NRIP1: variants seen among roughly 807,000 people sequenced by gnomAD.
NRIP1 encodes the protein nuclear receptor interacting protein 1.
NRIP1 carries 28 observed loss-of-function variants against 75.0 expected under a neutral mutation model. The ratio of observed to expected loss-of-function variants is 0.37; its 90% CI spans 0.28 to 0.51. The LOEUF (loss-of-function observed/expected upper bound fraction) is 0.51, where lower values mean the gene tolerates loss of function less well. Among genes scored for constraint, NRIP1 ranks in the 20% least tolerant of loss-of-function variants. The pLI, the probability that NRIP1 is intolerant of heterozygous loss-of-function variation, is 0.92. For synonymous variants in NRIP1, 526 were observed against 487.6 expected (o/e 1.08, Z -1.04); for missense variants, 1,435 against 1,343.7 (o/e 1.07, Z -1.06).
chr21:15,017,368 T>C (rs1323312503), intron 2 of NRIP1, among the ~76,000 whole-genome samples: 1 of 152,196 alleles, frequency 6.6e-6, no homozygotes, highest in Non-Finnish European at 1.5e-5. Flanking sequence ...TAGAGGAACA[T>C]TATTAATGAA....
intron 3 of NRIP1, among the ~76,000 whole-genome samples, chr21:15,000,187 G>A (rs549620259): frequency 6.6e-6 from 1 of 152,268 alleles, no homozygotes; most frequent in Non-Finnish European, 1.5e-5. Flanking sequence ...AGAGATTCCT[G>A]TTTCTTCAAT....
chr21:15,064,583 C>A (rs1276698898), intron 1 of NRIP1, among the ~76,000 whole-genome samples, 162 bp downstream of exon 1: 1 of 151,576 alleles, frequency 6.6e-6, no homozygotes, highest in African/African-American at 2.4e-5. Context: ...TCGAACCAGG[C>A]AGCAGAGGCA....
intron 1 of NRIP1, chr21:15,051,021 C>A (rs776540154): frequency 5.0e-6 from 2 of 401,714 alleles, no homozygotes; most frequent in Non-Finnish European, 1.0e-5. Flanking sequence ...TGCAAACTAG[C>A]GAATCCTAAA....
intron 2 of NRIP1, among the ~76,000 whole-genome samples, 197 bp from the exon 3 acceptor site, chr21:15,014,663 T>C (rs193190146): frequency 6.6e-6 from 1 of 152,312 alleles, no homozygotes; most frequent in Non-Finnish European, 1.5e-5. Context: ...TTCTAGGTAA[T>C]AATCGATAAA....
Position 15,031,689 on chromosome 21 carries a change from G to A in NRIP1, c.-458+11806C>T, listed in dbSNP as rs1341415306. ...TCTATGTGTATACACTCTGGAAGGC[G>A]CTCGGAGGATCACCACATTCCCTTT... On this transcript the variant is annotated intron_variant, in intron 2 of 3. Transcript: ENST00000318948. Among the ~76,000 whole-genome samples, 7 of 98,950 alleles carry A rather than the reference G, an allele frequency of 7.1e-5. No homozygotes were observed. In the South Asian group the frequency reaches 1.7e-3, roughly 24 times the overall value. 64.9% of individuals were successfully genotyped at this position (98,950 alleles called of 152,430 possible).
At chr21:14,981,506 G>C (rs1009527047) in intron 3 of NRIP1, among the ~76,000 whole-genome samples, 2 of 152,186 alleles carry the variant, frequency 1.3e-5, no homozygotes, top group Non-Finnish European at 2.9e-5. Flanking sequence ...ACAGACCCAG[G>C]TTGGGGAGAC....
Position 14,965,308 on chromosome 21 carries a change from T to A in NRIP1, c.2885A>T (p.Lys962Met). The A allele has an allele frequency of 6.2e-7, 1 of 1,614,024 alleles. No homozygotes were observed. Among genetic ancestry groups the A allele is most frequent in the Non-Finnish European group, 8.5e-7 (1 of 1,179,930 alleles). Residue 962 changes from lysine (K) to methionine (M), a missense_variant, in exon 4 of 4, where the codon AAG becomes ATG. Physicochemically the swap from Lys to Met is moderately conservative, Grantham distance 95. Coordinates refer to ENST00000318948, the MANE Select transcript of NRIP1 (RefSeq NM_003489.4). Reference protein sequence around the residue: ...HRSNSVADSKKKGHKNNVTNS... With the variant: ...HRSNSVADSKMKGHKNNVTNS... ...GGTCACATTATTTTTGTGTCCTTTCTTTTTACTGTCAGCCACAGAGTTACT... is the reference window on the plus strand; with the variant it reads ...GGTCACATTATTTTTGTGTCCTTTCATTTTACTGTCAGCCACAGAGTTACT...
intron 2 of NRIP1, among the ~76,000 whole-genome samples, chr21:15,025,614 G>A (rs1243255883): frequency 3.3e-5 from 5 of 152,128 alleles, no homozygotes; most frequent in Admixed American, 3.3e-4. Flanking sequence ...CACAGTAGAT[G>A]AAATTAGCAG....
chr21:15,064,442 G>C (rs1316334265), intron 1 of NRIP1, among the ~76,000 whole-genome samples: 1 of 152,220 alleles, frequency 6.6e-6, no homozygotes, highest in African/African-American at 2.4e-5. Flanking sequence ...GGCCCCCCGA[G>C]TCCGGCCCCG....
chr21:15,037,273 T>C (rs1477359732), intron 2 of NRIP1, among the ~76,000 whole-genome samples: 1 of 152,184 alleles, frequency 6.6e-6, no homozygotes, highest in Admixed American at 6.5e-5. Flanking sequence ...ACAAAGCACA[T>C]GAAAAAACTG....
At chr21:15,001,616 G>A (rs2087851635) in intron 3 of NRIP1, among the ~76,000 whole-genome samples, 1 of 150,742 alleles carries the variant, frequency 6.6e-6, no homozygotes. Context: ...GAATAAAACA[G>A]TATAATGTTT....
chr21:14,977,360 G>A (rs1173678822), intron 3 of NRIP1, among the ~76,000 whole-genome samples: 3 of 152,098 alleles, frequency 2.0e-5, no homozygotes, highest in Non-Finnish European at 4.4e-5. Context: ...AGCTGAATGA[G>A]AAACACTAAG....
intron 3 of NRIP1, among the ~76,000 whole-genome samples, chr21:14,999,323 T>C (rs2087800442): frequency 6.6e-6 from 1 of 152,110 alleles, no homozygotes. Flanking sequence ...AATACCTTTC[T>C]TCATAATACT....
intron 3 of NRIP1, among the ~76,000 whole-genome samples, chr21:14,993,626 AAAT>A (rs1345064196): frequency 6.6e-6 from 1 of 151,996 alleles, no homozygotes; most frequent in Middle Eastern, 3.2e-3. Context: ...AAAAAAATAA[AAAT>A]AAAAAAATAG....
rs190906624 is a variant in NRIP1, at chr21:14,980,510, A to T, written c.-334-11984T>A. The stretch of plus-strand genomic sequence containing the variant: ...AATAAAATAAAAATAAAATAAATAC[A>T]TACATATATGCAATTATCTAACAAA... On this transcript the variant is annotated intron_variant, in intron 3 of 3. Coordinates refer to ENST00000318948, the MANE Select transcript of NRIP1 (RefSeq NM_003489.4). 2.1e-3 allele frequency among the ~76,000 whole-genome samples: 319 copies of T among 151,810 alleles called. 3 individuals carry two copies. Among genetic ancestry groups the T allele is most frequent in the African/African-American group, 7.5e-3 (309 of 41,180 alleles).
intron 2 of NRIP1, among the ~76,000 whole-genome samples, chr21:15,033,772 A>G (rs1177816725): frequency 6.6e-6 from 1 of 152,202 alleles, no homozygotes; most frequent in Non-Finnish European, 1.5e-5. Context: ...TGACTTTCTC[A>G]GTTAAGGGGT....
intron 2 of NRIP1, among the ~76,000 whole-genome samples, chr21:15,022,521 C>T (rs1470497712): frequency 3.3e-5 from 5 of 152,168 alleles, no homozygotes; most frequent in Admixed American, 2.6e-4. Context: ...GCGCATCCTG[C>T]ACATGTACCC....
In NRIP1 at chr21:14,966,604, T is replaced by C. The variant is rs1241876552; in HGVS notation, c.1589A>G (p.Asn530Ser). 14 of 1,614,026 alleles carry C rather than the reference T, an allele frequency of 8.7e-6. No homozygotes were observed. The highest frequency in any genetic ancestry group is 2.2e-5 in the East Asian group (1 of 44,892). Residue 530 changes from asparagine to serine, a missense_variant, in exon 4 of 4, where the codon AAT becomes AGT. By Grantham distance (46) the Asn-to-Ser change is conservative. Coordinates refer to ENST00000318948, the MANE Select transcript of NRIP1 (RefSeq NM_003489.4). ...QGVHNDVSKF[N>S]TQNYARTSVI... ...AGAAGTCCTTGCATAATTTTGTGTA[T>C]TGAACTTGCTCACATCATTGTGTAC... is the stretch of plus-strand genomic sequence containing the variant.
At chr21:15,025,176 A>C (rs1568988756) in intron 2 of NRIP1, among the ~76,000 whole-genome samples, 1 of 152,150 alleles carries the variant, frequency 6.6e-6, no homozygotes, top group Admixed American at 6.5e-5. Context: ...GGCTCAAGTA[A>C]AACTAAGGGG....
Sources: allele counts gnomAD v4.1 joint callset (sites outside exome capture counted in the v4.1 genomes callset), GRCh38; gene constraint gnomAD v4.1.1; transcripts MANE v1.5; gene names NCBI Gene and HGNC (gene_info 2026-07-23, HGNC 2026-07-21).